Variants in TM4SF19 observed in about 807,000 individuals in gnomAD.
TM4SF19 encodes transmembrane 4 L6 family member 19.
Under a neutral mutation model 21.8 loss-of-function variants are expected in TM4SF19, and 17 were observed. The ratio of observed to expected loss-of-function variants is 0.78; its 90% CI spans 0.53 to 1.17. TM4SF19 has a LOEUF of 1.17. TM4SF19 is among the 50% of genes most tolerant of loss of function. The pLI, the probability that TM4SF19 is intolerant of heterozygous loss-of-function variation, is 0.00. For missense variants in TM4SF19, 216 were observed against 252.1 expected (o/e 0.86, Z 0.97); for synonymous variants, 107 against 106.7 (o/e 1.00, Z -0.02).
intron 1 of TM4SF19, among the ~76,000 whole-genome samples, chr3:196,333,295 A>G (rs368798397): frequency 3.3e-5 from 5 of 152,224 alleles, no homozygotes; most frequent in Non-Finnish European, 5.9e-5. Context: ...AAGTCAAACC[A>G]CTATAAGTAG....
chr3:196,334,517 G>A (rs748262570), intron 1 of TM4SF19, among the ~76,000 whole-genome samples: 3 of 151,542 alleles, frequency 2.0e-5, no homozygotes, highest in African/African-American at 4.9e-5. Context: ...GCAGTGGCGC[G>A]ATCTCAGCTC....
In TM4SF19 at chr3:196,327,447, C is replaced by T. The variant is rs764131004; in HGVS notation, c.144G>A (p.Arg48=). 5.0e-6 allele frequency: 8 copies of T among 1,614,052 alleles called. No individual in the cohort carries two copies. In the African/African-American group the frequency reaches 8.0e-5, roughly 16 times the overall value. ...GCATGGCATGCCTGCCAAGGAGGCCCCTCAACAGGTAGGTGACATCCCAGT... is the reference window on the plus strand; with the variant it reads ...GCATGGCATGCCTGCCAAGGAGGCCTCTCAACAGGTAGGTGACATCCCAGT... ...LPNWDVTYLL[R]GLLGRHAMLG... The change falls in exon 2 of 5, where the codon AGG becomes AGA. Residue 48 remains arginine (R), a synonymous_variant. Transcript: ENST00000273695.
chr3:196,336,178 G>A (rs2108814158), intron 1 of TM4SF19, among the ~76,000 whole-genome samples: 1 of 150,272 alleles, frequency 6.7e-6, no homozygotes, highest in African/African-American at 2.4e-5. Flanking sequence ...CACTCTTGTT[G>A]CCCAGGCTGG....
intron 1 of TM4SF19, among the ~76,000 whole-genome samples, chr3:196,330,019 G>A (rs1453726798): frequency 6.6e-6 from 1 of 151,026 alleles, no homozygotes; most frequent in South Asian, 2.1e-4. Flanking sequence ...CTACAGGCAT[G>A]TGCCACCACG....
chr3:196,331,712 G>A (rs1051042403), intron 1 of TM4SF19, among the ~76,000 whole-genome samples: 6 of 151,866 alleles, frequency 4.0e-5, no homozygotes, highest in African/African-American at 1.5e-4. Context: ...ACTTGAACCC[G>A]GGAGGTGGAG....
intron 1 of TM4SF19, among the ~76,000 whole-genome samples, chr3:196,331,758 G>C (rs1455301701): frequency 6.6e-6 from 1 of 152,060 alleles, no homozygotes; most frequent in East Asian, 1.9e-4. Context: ...CTGCACTCCA[G>C]CCTGGACAAC....
chr3:196,332,086 T>C (rs1560204677), intron 1 of TM4SF19, among the ~76,000 whole-genome samples: 1 of 151,912 alleles, frequency 6.6e-6, no homozygotes, highest in Non-Finnish European at 1.5e-5. Context: ...CTGGCCAACA[T>C]GGTGAAACCC....
chr3:196,327,703 C>T (rs1727357482), intron 1 of TM4SF19, 112 bp from the exon 2 acceptor site: 2 of 850,168 alleles, frequency 2.4e-6, no homozygotes, highest in Admixed American at 2.3e-5. Context: ...CGCCACCTTC[C>T]AGGGTCAGAC....
intron 1 of TM4SF19, among the ~76,000 whole-genome samples, chr3:196,330,900 A>G (rs934017225): frequency 6.6e-6 from 1 of 152,204 alleles, no homozygotes. Context: ...ATCTAGATAA[A>G]TTATAAAATG....
rs1220925452 is a variant in TM4SF19 at position 196,325,982 on chromosome 3, T to A, written c.279+973A>T. 6.6e-6 allele frequency among the ~76,000 whole-genome samples: 1 copy of A among 152,066 alleles called. No homozygotes were observed. The highest frequency in any genetic ancestry group is 1.5e-5 in the Non-Finnish European group (1 of 68,032). ...TTTATTTATCTATGTACTTATTTAT[T>A]TATTTATTTTGAAACGGAGTCTCGC... is the stretch of plus-strand genomic sequence containing the variant. On this transcript the variant is annotated intron_variant, in intron 3 of 4. Transcript: ENST00000273695. This position sits in a 1 kb window ranked among gnomAD's most constrained non-coding sequence, Gnocchi z 4.3.
chr3:196,327,298 G>T, intron 2 of TM4SF19, 92 bp downstream of exon 2: 1 of 1,270,898 alleles, frequency 7.9e-7, no homozygotes, highest in South Asian at 1.4e-5. Flanking sequence ...AAACTTTTCT[G>T]CAAGGAATCA....
intron 1 of TM4SF19, among the ~76,000 whole-genome samples, chr3:196,334,516 C>T (rs144959058): frequency 0.01 from 1,540 of 151,634 alleles, 20 homozygotes; most frequent in African/African-American, 0.035. Context: ...TGCAGTGGCG[C>T]GATCTCAGCT....
intron 3 of TM4SF19, 48 bp from the exon 4 acceptor site, chr3:196,324,488 G>A (rs368868397): frequency 3.8e-6 from 6 of 1,598,326 alleles, no homozygotes; most frequent in Non-Finnish European, 5.1e-6. Context: ...CGCAGCTGGG[G>A]AGCCTGCGGA....
rs1727263732 is a variant in TM4SF19, at chr3:196,325,842, C to T, written c.279+1113G>A. 6.6e-6 allele frequency among the ~76,000 whole-genome samples: 1 copy of T among 152,180 alleles called. No homozygotes were observed. The highest frequency in any genetic ancestry group is 1.5e-5 in the Non-Finnish European group (1 of 68,038). On this transcript the variant is annotated intron_variant, in intron 3 of 4. Coordinates refer to ENST00000273695, the MANE Select transcript of TM4SF19 (RefSeq NM_138461.4). This position sits in a 1 kb window ranked among gnomAD's most constrained non-coding sequence, Gnocchi z 4.3. ...ACTCTGGGGAGGGAGCCCAGCAATC[C>T]GTGTTCCGGCAAAAGCCCTCCAGGT...
At chr3:196,333,133 C>A (rs1303539607) in intron 1 of TM4SF19, among the ~76,000 whole-genome samples, 1 of 152,206 alleles carries the variant, frequency 6.6e-6, no homozygotes, top group East Asian at 1.9e-4. Flanking sequence ...CAGGCGTAAG[C>A]CACCACGCCC....
At chr3:196,332,743 C>T (rs766696346) in intron 1 of TM4SF19, among the ~76,000 whole-genome samples, 12 of 151,796 alleles carry the variant, frequency 7.9e-5, no homozygotes, top group Non-Finnish European at 1.3e-4. Context: ...ATGATGGGGT[C>T]GAACTCCTAT....
At chr3:196,324,242 A>G (rs1727193227) in intron 4 of TM4SF19, 29 bp downstream of exon 4, 1 of 1,609,474 alleles carries the variant, frequency 6.2e-7, no homozygotes, top group Admixed American at 1.7e-5. Context: ...CTGTCTGAAA[A>G]GACCAAGCCC....
chr3:196,324,292 G>T lies in TM4SF19; in HGVS notation c.428C>A (p.Pro143Gln), dbSNP rs1727196042. 1 of 1,613,968 alleles carries T rather than the reference G, an allele frequency of 6.2e-7. No individual in the cohort carries two copies. Among genetic ancestry groups the T allele is most frequent in the Admixed American group, 1.7e-5 (1 of 59,976 alleles). ...NQTQAWKYGY[P>Q]FKDLHSRNYL... ...TTACCTACTATGCAGGTCTTTGAAT[G>T]GGTAACCATATTTCCAAGCTTGTGT... Residue 143 changes from proline (P) to glutamine (Q), a missense_variant, in exon 4 of 5, where the codon CCA (proline) becomes CAA (glutamine). Pro to Gln is a moderately conservative substitution (Grantham distance 76). Transcript: ENST00000273695.
chr3:196,337,135 C>T (rs1250328983), intron 1 of TM4SF19, among the ~76,000 whole-genome samples: 3 of 138,526 alleles, frequency 2.2e-5, no homozygotes, highest in Non-Finnish European at 4.6e-5. Flanking sequence ...GCTCTTGGCT[C>T]ACTGCAACCT....
Sources: allele counts gnomAD v4.1 joint callset (sites outside exome capture counted in the v4.1 genomes callset), GRCh38; gene constraint gnomAD v4.1.1; non-coding constraint Gnocchi (gnomAD v3.1); transcripts MANE v1.5; gene names NCBI Gene and HGNC (gene_info 2026-07-23, HGNC 2026-07-21).